Variants in ADGRB3 observed in about 807,000 individuals in gnomAD.
The protein encoded by ADGRB3 is adhesion G protein-coupled receptor B3, also known as brain-specific angiogenesis inhibitor 3.
ADGRB3 carries 37 observed loss-of-function variants against 193.4 expected under a neutral mutation model. The observed-to-expected ratio is 0.19, with a 90% CI of 0.15 to 0.25. The LOEUF (loss-of-function observed/expected upper bound fraction) is 0.25, where lower values mean the gene tolerates loss of function less well. Ranked by LOEUF, ADGRB3 falls within the 10% of genes least tolerant of loss-of-function variation. The pLI is 1.00. For synonymous variants in ADGRB3, 690 were observed against 644.2 expected (o/e 1.07, Z -1.08); for missense variants, 1,637 against 1,852.9 (o/e 0.88, Z 2.14).
At chr6:69,340,789 G>A (rs573231811) in intron 26 of ADGRB3, among the ~76,000 whole-genome samples, 1 of 152,072 alleles carries the variant, frequency 6.6e-6, no homozygotes, top group East Asian at 1.9e-4. Context: ...GACAGGACCT[G>A]GTGTGTGTTG....
In ADGRB3 at chr6:68,901,063, T is replaced by C. The variant is rs1273354857; in HGVS notation, c.758-29496T>C. Among the ~76,000 whole-genome samples, 3 of 152,200 alleles carry C rather than the reference T, an allele frequency of 2.0e-5. No individual in the cohort carries two copies. The East Asian group carries it at 5.8e-4, about 29-fold the overall frequency. On this transcript the variant is annotated intron_variant, in intron 3 of 31. Transcript: ENST00000370598. ...TTCCCAAGTCTATATTAGTTGTTTA[T>C]ATCTAAATAACAAATTACCTCAAAT... is the stretch of plus-strand genomic sequence containing the variant.
intron 17 of ADGRB3, among the ~76,000 whole-genome samples, chr6:69,125,545 C>T (rs1196604929): frequency 6.6e-6 from 1 of 152,046 alleles, no homozygotes; most frequent in Non-Finnish European, 1.5e-5. Flanking sequence ...TATGAACAGC[C>T]CTTCCACGTG....
chr6:69,153,557 G>A (rs1774740071), intron 17 of ADGRB3, among the ~76,000 whole-genome samples: 1 of 152,078 alleles, frequency 6.6e-6, no homozygotes, highest in Admixed American at 6.5e-5. Context: ...TGACAGCATA[G>A]CCTTGGTCCT....
rs557143716 is a variant in ADGRB3, at chr6:68,861,573, T to C, written c.758-68986T>C. 4.0e-5 allele frequency among the ~76,000 whole-genome samples: 6 copies of C among 151,876 alleles called. No individual in the cohort carries two copies. In the South Asian group the frequency reaches 1.3e-3, roughly 32 times the overall value. ...CGAGACTCCATCTCCAAAAAAAAAA[T>C]AAATAAATAAATTCTACACACTTGT... On this transcript the variant is annotated intron_variant, in intron 3 of 31. Coordinates refer to ENST00000370598, the MANE Select transcript of ADGRB3 (RefSeq NM_001704.3).
At position 68,761,496 on chromosome 6, in the gene ADGRB3, T is replaced by G. The variant is rs535561479; in HGVS notation, c.757+122064T>G. Among the ~76,000 whole-genome samples the G allele has an allele frequency of 3.1e-4, 47 of 151,462 alleles. 1 individual carries two copies. The highest frequency in any genetic ancestry group is 5.0e-4 in the Non-Finnish European group (34 of 67,896). On this transcript the variant is annotated intron_variant, in intron 3 of 31. Transcript: ENST00000370598. ...GTGTCAGTGTAGCACAGGTTGTGCT[T>G]TGGTGTCCTCTGCAGGCTTGTTCAG...
At chr6:69,330,465 G>A in intron 22 of ADGRB3, 41 bp from the exon 23 acceptor site, 1 of 1,525,580 alleles carries the variant, frequency 6.6e-7, no homozygotes, top group African/African-American at 1.4e-5. Flanking sequence ...TCTAATACTT[G>A]TCACTAATTT....
At chr6:68,927,983 C>T (rs1039164253) in intron 3 of ADGRB3, among the ~76,000 whole-genome samples, 3 of 152,012 alleles carry the variant, frequency 2.0e-5, no homozygotes, top group Non-Finnish European at 2.9e-5. Flanking sequence ...ACATGATAAA[C>T]TATCAGCACT....
chr6:68,842,945 G>GA (rs1306393133), intron 3 of ADGRB3, among the ~76,000 whole-genome samples: 5 of 150,566 alleles, frequency 3.3e-5, no homozygotes, highest in African/African-American at 1.2e-4. Flanking sequence ...AATCGATGCT[G>GA]AAAAAAGCAT....
intron 3 of ADGRB3, among the ~76,000 whole-genome samples, chr6:68,707,316 T>TA (rs1161765435): frequency 6.6e-6 from 1 of 152,170 alleles, no homozygotes; most frequent in African/African-American, 2.4e-5. Context: ...TGCTCTTAGA[T>TA]ACGTTCCTTC....
At chr6:68,672,001 A>G (rs1468047356) in intron 3 of ADGRB3, among the ~76,000 whole-genome samples, 1 of 151,982 alleles carries the variant, frequency 6.6e-6, no homozygotes, top group Non-Finnish European at 1.5e-5. Context: ...GGTAGGTTGT[A>G]TGCATCTAGG....
chr6:68,898,013 T>G lies in ADGRB3; in HGVS notation c.758-32546T>G, dbSNP rs552986108. ...TATATATATAATAAAAATGTATATA[T>G]ATAGAGAGAGAGGGAGAGACAGAGA... On this transcript the variant is annotated intron_variant, in intron 3 of 31. Coordinates refer to ENST00000370598, the MANE Select transcript of ADGRB3 (RefSeq NM_001704.3). 4.0e-3 allele frequency among the ~76,000 whole-genome samples: 587 copies of G among 147,132 alleles called. 4 individuals carry two copies. The highest frequency in any genetic ancestry group is 0.013 in the African/African-American group (527 of 40,400).
chr6:69,229,055 G>GA (rs1478847213), intron 17 of ADGRB3, among the ~76,000 whole-genome samples: 1 of 152,102 alleles, frequency 6.6e-6, no homozygotes, highest in Non-Finnish European at 1.5e-5. Context: ...ATTCAGTGTT[G>GA]AAAATCAATG....
intron 3 of ADGRB3, among the ~76,000 whole-genome samples, chr6:68,886,392 T>C (rs1765908845): frequency 6.6e-6 from 1 of 152,118 alleles, no homozygotes; most frequent in Non-Finnish European, 1.5e-5. Flanking sequence ...TGGGCAATAA[T>C]GACCCCCATT....
chr6:68,828,574 T>C (rs1767892984), intron 3 of ADGRB3, among the ~76,000 whole-genome samples: 1 of 152,032 alleles, frequency 6.6e-6, no homozygotes, highest in South Asian at 2.1e-4. Flanking sequence ...GGAGAAGAGG[T>C]TGGATATCAA....
chr6:69,305,916 A>T (rs529367874), intron 20 of ADGRB3, among the ~76,000 whole-genome samples: 2 of 151,686 alleles, frequency 1.3e-5, no homozygotes, highest in African/African-American at 4.9e-5. Flanking sequence ...CCAAAACTTG[A>T]ATTTACCATG....
chr6:68,728,457 G>A (rs60923857), intron 3 of ADGRB3, among the ~76,000 whole-genome samples: 4,885 of 151,162 alleles, frequency 0.032, 137 homozygotes, highest in African/African-American at 0.073. Context: ...ACAGCTACTG[G>A]AGTTTCCAGA....
At chr6:68,885,873 TA>T (rs1271684179) in intron 3 of ADGRB3, among the ~76,000 whole-genome samples, 1 of 152,060 alleles carries the variant, frequency 6.6e-6, no homozygotes, top group African/African-American at 2.4e-5. Context: ...TTTAGAGGCT[TA>T]GAGTCAAAAT....
intron 3 of ADGRB3, among the ~76,000 whole-genome samples, chr6:68,705,345 A>G (rs1054422942): frequency 6.6e-6 from 1 of 152,216 alleles, no homozygotes; most frequent in Non-Finnish European, 1.5e-5. Context: ...GTAAATGCTC[A>G]ATAAATTGGA....
chr6:69,082,227 C>T (rs1772408046), intron 17 of ADGRB3, among the ~76,000 whole-genome samples: 1 of 151,908 alleles, frequency 6.6e-6, no homozygotes, highest in African/African-American at 2.4e-5. Context: ...CTTTCCAGCA[C>T]TTTTTATATC....
Sources: allele counts gnomAD v4.1 joint callset (sites outside exome capture counted in the v4.1 genomes callset), GRCh38; gene constraint gnomAD v4.1.1; transcripts MANE v1.5; gene names NCBI Gene and HGNC (gene_info 2026-07-23, HGNC 2026-07-21).